SMAD2: variants seen among roughly 807,000 people sequenced by gnomAD.
The protein encoded by SMAD2 is SMAD family member 2.
In SMAD2, 8 loss-of-function variants were observed where a neutral mutation model predicts 64.4. That is an observed-to-expected ratio of 0.12 (90% CI 0.07 to 0.22). SMAD2 has a LOEUF of 0.22. SMAD2 is among the 10% of genes least tolerant of loss of function. The probability of loss-of-function intolerance (pLI) is 1.00; values close to 1 mark genes in which losing one functional copy is unlikely to be tolerated. For missense variants in SMAD2, 289 were observed against 561.2 expected, an observed-to-expected ratio of 0.51 and a Z score of 4.90; for synonymous variants, 203 against 195.8, an observed-to-expected ratio of 1.04 and a Z score of -0.31.
At chr18:47,901,039 A>G (rs1441642280) in intron 1 of SMAD2, among the ~76,000 whole-genome samples, 2 of 152,214 alleles carry the variant, frequency 1.3e-5, no homozygotes, top group African/African-American at 4.8e-5. Flanking sequence ...TAATACCACC[A>G]TTAATAGTTT....
At chr18:47,918,217 C>G (rs952116393) in intron 1 of SMAD2, among the ~76,000 whole-genome samples, 1 of 152,096 alleles carries the variant, frequency 6.6e-6, no homozygotes, top group African/African-American at 2.4e-5. Context: ...AAACAAAATC[C>G]CTGGACTAGG....
intron 1 of SMAD2, among the ~76,000 whole-genome samples, chr18:47,899,745 C>T (rs2033606042): frequency 6.6e-6 from 1 of 152,158 alleles, no homozygotes; most frequent in South Asian, 2.1e-4. Flanking sequence ...GCTCCAACTC[C>T]TTTCTCAATC....
chr18:47,919,156 A>G (rs531331288), intron 1 of SMAD2, among the ~76,000 whole-genome samples: 1 of 152,262 alleles, frequency 6.6e-6, no homozygotes, highest in African/African-American at 2.4e-5. Context: ...TACTGTAAAC[A>G]AAGTCAAGAG....
intron 7 of SMAD2, among the ~76,000 whole-genome samples, chr18:47,850,177 CAT>C (rs1190885483): frequency 1.0e-5 from 1 of 98,144 alleles, no homozygotes; most frequent in Non-Finnish European, 1.9e-5. Context: ...TGCACACTCT[CAT>C]ATATATATTA....
rs576917870 is a variant in SMAD2, at chr18:47,828,353, T to TG, written c.*13473dup. ...GCCAGCATCCACCCCGTCCGGGAGGTGGGGGGGCGCCTCTGCCCAGCCGCC... is the reference window on the plus strand; with the variant it reads ...GCCAGCATCCACCCCGTCCGGGAGGTGGGGGGGGCGCCTCTGCCCAGCCGCC... On this transcript the variant is annotated 3_prime_UTR_variant, in exon 11 of 11. Transcript: ENST00000262160. 609 of 126,896 alleles carry TG rather than the reference T, an allele frequency of 4.8e-3. 6 individuals are homozygous for TG. Among genetic ancestry groups the TG allele is most frequent in the African/African-American group, 0.015 (494 of 32,190 alleles). The allele number at this position is 126,896 out of a possible 1,614,324, so 7.9% of individuals were successfully genotyped here.
intron 1 of SMAD2, among the ~76,000 whole-genome samples, chr18:47,921,457 G>A (rs1056284401): frequency 1.3e-5 from 2 of 152,124 alleles, no homozygotes; most frequent in African/African-American, 4.8e-5. Context: ...TGCAGTCATG[G>A]ATTATGTATA....
rs1466833020 is a variant in SMAD2, at chr18:47,930,551, G to C, written c.-244C>G. The stretch of plus-strand genomic sequence containing the variant: ...AGGCCCGGGCCCGGCCGGCGGCCCG[G>C]GCGCGCGGGAGGGTAGGGGAAGAGA... On this transcript the variant is annotated 5_prime_UTR_variant, in exon 1 of 11. Transcript: ENST00000262160. 1 of 149,208 alleles carries C rather than the reference G, an allele frequency of 6.7e-6. No homozygotes were observed. The highest frequency in any genetic ancestry group is 2.5e-5 in the African/African-American group (1 of 40,434). 9.2% of individuals were successfully genotyped at this position (149,208 alleles called of 1,614,324 possible). A position where few individuals can be genotyped will look rare whatever the true frequency, so the allele number is the denominator to read the frequency against.
In SMAD2 at chr18:47,841,736, G is replaced by T; in HGVS notation, c.*91C>A. 6.8e-7 allele frequency: 1 copy of T among 1,470,116 alleles called. No individual in the cohort carries two copies. 91.1% of individuals were successfully genotyped at this position (1,470,116 alleles called of 1,614,324 possible). A position where few individuals can be genotyped will look rare whatever the true frequency, so the allele number is the denominator to read the frequency against. ...GTGCTGTTTTCTCTCTTGAACTTTT[G>T]GATAGTAAACAGTCCATAGGGACCA... On this transcript the variant is annotated 3_prime_UTR_variant, in exon 11 of 11. Transcript: ENST00000262160.
At chr18:47,883,113 T>C (rs2032704271) in intron 2 of SMAD2, among the ~76,000 whole-genome samples, 1 of 152,226 alleles carries the variant, frequency 6.6e-6, no homozygotes, top group Non-Finnish European at 1.5e-5. Flanking sequence ...TTCTATTTTA[T>C]CTTTTTAGGT....
chr18:47,906,644 G>A (rs554656356), intron 1 of SMAD2, among the ~76,000 whole-genome samples: 1 of 152,158 alleles, frequency 6.6e-6, no homozygotes, highest in East Asian at 1.9e-4. Flanking sequence ...CACAAATTTA[G>A]CAAAATCAGT....
In SMAD2 at chr18:47,815,289, C is replaced by A. The variant is rs1912331256; in HGVS notation, c.*26538G>T. ...CACCTTCCCAAAACCAGATGGGATG[C>A]ATGAGAAATTGATGTGAAATGAAGG... On this transcript the variant is annotated 3_prime_UTR_variant, in exon 11 of 11. Transcript: ENST00000262160. 6.6e-6 allele frequency: 1 copy of A among 152,232 alleles called. No individual in the cohort carries two copies. Among genetic ancestry groups the A allele is most frequent in the Non-Finnish European group, 1.5e-5 (1 of 68,048 alleles). The allele number at this position is 152,232 out of a possible 1,614,324, so 9.4% of individuals were successfully genotyped here. A position where few individuals can be genotyped will look rare whatever the true frequency, so the allele number is the denominator to read the frequency against.
At chr18:47,874,685 G>T (rs937036541) in intron 2 of SMAD2, among the ~76,000 whole-genome samples, 2 of 151,984 alleles carry the variant, frequency 1.3e-5, no homozygotes, top group Non-Finnish European at 2.9e-5. Flanking sequence ...GCTACTCCCT[G>T]TATTAAAAAA....
rs1598720706 is a variant in SMAD2, at chr18:47,816,378, T to C, written c.*25449A>G. ...CATTTTTGGATAATACACTTATAAA[T>C]TGGAAAATGAGAAAAGATAGTCTGG... On this transcript the variant is annotated 3_prime_UTR_variant, in exon 11 of 11. Coordinates refer to ENST00000262160, the MANE Select transcript of SMAD2 (RefSeq NM_005901.6). The C allele has an allele frequency of 6.6e-6, 1 of 152,180 alleles. No homozygotes were observed. The highest frequency in any genetic ancestry group is 6.5e-5 in the Admixed American group (1 of 15,274). 9.4% of individuals were successfully genotyped at this position (152,180 alleles called of 1,614,324 possible).
At chr18:47,913,068 C>T (rs116944006) in intron 1 of SMAD2, among the ~76,000 whole-genome samples, 2 of 151,924 alleles carry the variant, frequency 1.3e-5, no homozygotes, top group East Asian at 1.9e-4. Context: ...TACAGGCACG[C>T]GTCAACACGC....
chr18:47,893,681 A>C (rs1246539273), intron 2 of SMAD2, among the ~76,000 whole-genome samples: 1 of 152,222 alleles, frequency 6.6e-6, no homozygotes, highest in Non-Finnish European at 1.5e-5. Flanking sequence ...AATTTCTTAC[A>C]TTTAAGAATA....
At chr18:47,911,790 T>C (rs1365768635) in intron 1 of SMAD2, among the ~76,000 whole-genome samples, 1 of 152,124 alleles carries the variant, frequency 6.6e-6, no homozygotes, top group Non-Finnish European at 1.5e-5. Flanking sequence ...ATACGACACA[T>C]AAATAAGCAC....
chr18:47,871,193 C>T (rs1455788484), intron 2 of SMAD2, among the ~76,000 whole-genome samples: 1 of 152,056 alleles, frequency 6.6e-6, no homozygotes, highest in African/African-American at 2.4e-5. Flanking sequence ...TTTTCCCTAC[C>T]TTTATTTCAT....
intron 1 of SMAD2, among the ~76,000 whole-genome samples, chr18:47,903,818 T>C (rs929154895): frequency 7.7e-6 from 1 of 130,580 alleles, no homozygotes; most frequent in Admixed American, 9.7e-5. Context: ...AGCAGTGAAC[T>C]TGAAGACAGG....
At position 47,845,649 on chromosome 18, in the gene SMAD2, T is replaced by C; in HGVS notation, c.1135+14A>G. 6.2e-7 allele frequency: 1 copy of C among 1,613,600 alleles called. No homozygotes were observed. The highest frequency in any genetic ancestry group is 2.2e-5 in the East Asian group (1 of 44,860). On this transcript the variant is annotated intron_variant, in intron 9 of 10. Coordinates refer to ENST00000262160, the MANE Select transcript of SMAD2 (RefSeq NM_005901.6). ...GTTGACATGATAGGTTTATGTACAT[T>C]ATTGAATCCATACCTGGTGGAATTT...
Sources: gnomAD v4.1 joint callset for allele counts (sites outside exome capture counted in the v4.1 genomes callset) on GRCh38, gnomAD v4.1.1 for gene constraint, MANE v1.5 for transcripts, NCBI Gene and HGNC (gene_info 2026-07-23, HGNC 2026-07-21) for gene names.